The following RBM28 variants were observed in gnomAD, a reference collection of about 807,000 sequenced individuals.
RBM28 encodes the protein RNA binding motif protein 28.
Under a neutral mutation model 98.3 loss-of-function variants are expected in RBM28, and 78 were observed. The ratio of observed to expected loss-of-function variants is 0.79; its 90% CI spans 0.66 to 0.96. The LOEUF is 0.96. Ranked by LOEUF, RBM28 falls within the 40% of genes least tolerant of loss-of-function variation. The pLI, the probability that RBM28 is intolerant of heterozygous loss-of-function variation, is 0.00. For synonymous variants in RBM28, 306 were observed against 330.9 expected, an observed-to-expected ratio of 0.92 and a Z score of 0.82; for missense variants, 838 against 913.0, an observed-to-expected ratio of 0.92 and a Z score of 1.06.
intron 1 of RBM28, chr7:128,341,102 A>G: frequency 8.1e-7 from 1 of 1,238,128 alleles, no homozygotes; most frequent in South Asian, 1.3e-5. Flanking sequence ...GGACAGATCA[A>G]GAAGTCTGCC....
rs567431482 is a variant in RBM28 at position 128,309,906 on chromosome 7, G to C, written c.*891C>G. On this transcript the variant is annotated 3_prime_UTR_variant, in exon 19 of 19. Coordinates refer to ENST00000223073, the MANE Select transcript of RBM28 (RefSeq NM_018077.3). ...GTGAATGAAGAAGAGAGTGGATAAA[G>C]ACAAGCAGAGGTGATAGGGCTGAAG... 6.6e-6 allele frequency: 1 copy of C among 152,336 alleles called. No homozygotes were observed. The highest frequency in any genetic ancestry group is 2.1e-4 in the South Asian group (1 of 4,826). The allele number at this position is 152,336 out of a possible 1,614,324, so 9.4% of individuals were successfully genotyped here.
intron 9 of RBM28, among the ~76,000 whole-genome samples, 167 bp downstream of exon 9, chr7:128,333,123 T>C (rs1464875355): frequency 1.3e-5 from 2 of 152,224 alleles, no homozygotes; most frequent in South Asian, 2.1e-4. Flanking sequence ...TTCTGTGTTA[T>C]AGTTCTGATT....
intron 18 of RBM28, among the ~76,000 whole-genome samples, chr7:128,312,544 A>G (rs1404537623): frequency 1.3e-5 from 2 of 152,212 alleles, no homozygotes; most frequent in Non-Finnish European, 2.9e-5. Context: ...AATGTAACAC[A>G]AATGACCTGG....
intron 10 of RBM28, among the ~76,000 whole-genome samples, chr7:128,326,518 T>A (rs1176535451): frequency 6.6e-6 from 1 of 152,200 alleles, no homozygotes; most frequent in African/African-American, 2.4e-5. Flanking sequence ...TACAACTGCC[T>A]ACAACATTCA....
chr7:128,343,650 C>G, intron 1 of RBM28, 26 bp downstream of exon 1: 2 of 1,575,196 alleles, frequency 1.3e-6, no homozygotes. Context: ...AAACCCCAGC[C>G]CTATCCTCGA....
In RBM28 at chr7:128,313,247, G is replaced by A. The variant is rs770210501; in HGVS notation, c.2073C>T (p.Pro691=). The change falls in exon 18 of 19, where the codon CCC becomes CCT. Residue 691 remains proline, a synonymous_variant. Coordinates refer to ENST00000223073, the MANE Select transcript of RBM28 (RefSeq NM_018077.3). ...GTGGCTTTGGCTTTTTGGGATGGAC[G>A]GGCTTCACTTTGCCTTTGTCCCGCA... The part of the protein sequence containing the change: ...IRLRDKGKVK[P]VHPKKPKPQI... The A allele has an allele frequency of 1.9e-5, 30 of 1,613,990 alleles. No homozygotes were observed. The highest frequency in any genetic ancestry group is 1.6e-4 in the South Asian group (15 of 91,076).
In RBM28 at chr7:128,330,907, T is replaced by C. The variant is rs1452094273; in HGVS notation, c.1041A>G (p.Glu347=). The change falls in exon 10 of 19, where the codon GAA becomes GAG. Residue 347 remains glutamate, a synonymous_variant. Transcript: ENST00000223073. The part of the protein sequence containing the change: ...VFIRNLSFDS[E]EEELGELLQQ... ...GGAGAAGCTCCCCAAGTTCTTCTTCTTCTGAGTCAAAGGACAGATTTCTAT... is the reference window on the plus strand; with the variant it reads ...GGAGAAGCTCCCCAAGTTCTTCTTCCTCTGAGTCAAAGGACAGATTTCTAT... The C allele has an allele frequency of 6.2e-7, 1 of 1,613,808 alleles. No individual in the cohort carries two copies. The highest frequency in any genetic ancestry group is 8.5e-7 in the Non-Finnish European group (1 of 1,179,682).
chr7:128,319,167 C>A (rs546988251), intron 14 of RBM28, among the ~76,000 whole-genome samples: 2 of 152,170 alleles, frequency 1.3e-5, no homozygotes, highest in African/African-American at 4.8e-5. Context: ...GCATGGATGC[C>A]GCATTTAGTT....
intron 10 of RBM28, among the ~76,000 whole-genome samples, chr7:128,328,889 G>A (rs916738417): frequency 6.6e-6 from 1 of 151,850 alleles, no homozygotes; most frequent in Non-Finnish European, 1.5e-5. Flanking sequence ...CAGTCTATCT[G>A]TAGCATAGCT....
At chr7:128,331,070 C>CCTTG in intron 9 of RBM28, 142 bp from the exon 10 acceptor site, 1 of 690,166 alleles carries the variant, frequency 1.4e-6, no homozygotes, top group South Asian at 1.5e-5. Flanking sequence ...CCCCAGTGAC[C>CCTTG]CTTGGCCCCA....
chr7:128,325,269 T>C (rs1293768386), intron 11 of RBM28, among the ~76,000 whole-genome samples: 3 of 152,172 alleles, frequency 2.0e-5, no homozygotes, highest in African/African-American at 2.4e-5. Flanking sequence ...TTTCTGGGAG[T>C]TGATTAGTCC....
Position 128,339,224 on chromosome 7 carries a change from T to C in RBM28, c.372+3A>G, listed in dbSNP as rs1362296289. ...TGCAATGTTCATTTTCTCTCTCACT[T>C]ACCTTAAAGCTCAGGTTCCGAATAA... On this transcript the variant is annotated splice_donor_region_variant and intron_variant, in intron 3 of 18. Transcript: ENST00000223073. The C allele has an allele frequency of 6.2e-7, 1 of 1,603,558 alleles. No individual in the cohort carries two copies. The highest frequency in any genetic ancestry group is 1.7e-5 in the Admixed American group (1 of 60,020).
In RBM28 at chr7:128,339,776, CGA is replaced by C; in HGVS notation, c.132_133del (p.Cys44TrpfsTer25). The C allele has an allele frequency of 6.2e-7, 1 of 1,614,004 alleles. No homozygotes were observed. The highest frequency in any genetic ancestry group is 8.5e-7 in the Non-Finnish European group (1 of 1,179,942). On this transcript the variant is annotated frameshift_variant, in exon 2 of 19. Transcript: ENST00000223073. LOFTEE classifies it high-confidence loss of function. Reference sequence around the variant, plus strand: ...TGAAAAAGTGACATAGCCAAAGCCTCGACATGCCTTACTCCCTGGAATAATGG... The same window carrying C: ...TGAAAAAGTGACATAGCCAAAGCCTCCATGCCTTACTCCCTGGAATAATGG...
intron 2 of RBM28, 42 bp from the exon 3 acceptor site, chr7:128,339,363 C>A (rs1302000400): frequency 2.7e-6 from 4 of 1,471,214 alleles, no homozygotes; most frequent in African/African-American, 2.8e-5. Context: ...CGAAAATCAC[C>A]CACTTCTACG....
intron 10 of RBM28, among the ~76,000 whole-genome samples, 158 bp downstream of exon 10, chr7:128,330,661 C>T (rs1242281156): frequency 2.6e-5 from 4 of 152,128 alleles, no homozygotes; most frequent in East Asian, 1.9e-4. Flanking sequence ...CGTGAGCCAG[C>T]GTGCCCGGCG....
chr7:128,324,510 TGGCACAG>T, intron 12 of RBM28, 42 bp downstream of exon 12: 1 of 1,613,112 alleles, frequency 6.2e-7, no homozygotes, highest in Admixed American at 1.7e-5. Context: ...TCAATGATTA[TGGCACAG>T]GGCCAGGTAC....
intron 4 of RBM28, among the ~76,000 whole-genome samples, 190 bp from the exon 5 acceptor site, chr7:128,338,532 A>G (rs1465779704): frequency 1.3e-5 from 2 of 152,230 alleles, no homozygotes; most frequent in Non-Finnish European, 1.5e-5. Flanking sequence ...AGAGCAAAAC[A>G]CTTTCTCAAA....
In RBM28 at chr7:128,339,330, T is replaced by G; in HGVS notation, c.278-9A>C. ...TGGGCACTCTGAGTTTTCTAAAAAA[T>G]AAGAGGTAATGGAATAAGTACTCGA... On this transcript the variant is annotated splice_polypyrimidine_tract_variant and intron_variant, in intron 2 of 18. Transcript: ENST00000223073. 6.3e-7 allele frequency: 1 copy of G among 1,592,464 alleles called. No homozygotes were observed. Among genetic ancestry groups the G allele is most frequent in the Non-Finnish European group, 8.6e-7 (1 of 1,162,010 alleles).
intron 1 of RBM28, among the ~76,000 whole-genome samples, chr7:128,342,573 T>C (rs1369522782): frequency 6.6e-6 from 1 of 151,986 alleles, no homozygotes; most frequent in Non-Finnish European, 1.5e-5. Flanking sequence ...TCCCAGCTAC[T>C]TGGGAGGCTG....
Sources: gnomAD v4.1 joint callset for allele counts (sites outside exome capture counted in the v4.1 genomes callset) on GRCh38, gnomAD v4.1.1 for gene constraint, MANE v1.5 for transcripts, NCBI Gene and HGNC (gene_info 2026-07-23, HGNC 2026-07-21) for gene names.